The following NTM variants were observed in gnomAD, a reference collection of about 807,000 sequenced individuals.
NTM encodes IgLON family member 2.
Under a neutral mutation model 42.1 loss-of-function variants are expected in NTM, and 13 were observed. The ratio of observed to expected loss-of-function variants is 0.31; its 90% CI spans 0.20 to 0.49. NTM has a LOEUF of 0.49. NTM is among the 20% of genes least tolerant of loss of function. The probability of loss-of-function intolerance (pLI) is 0.99; values close to 1 mark genes in which losing one functional copy is unlikely to be tolerated. For synonymous variants in NTM, 187 were observed against 179.2 expected (o/e 1.04, Z -0.35); for missense variants, 373 against 452.8 (o/e 0.82, Z 1.60).
At chr11:132,199,248 T>C (rs2138423333) in intron 3 of NTM, among the ~76,000 whole-genome samples, 1 of 152,342 alleles carries the variant, frequency 6.6e-6, no homozygotes, top group South Asian at 2.1e-4. Flanking sequence ...GTTTGGTGAC[T>C]GCAAAGCATG....
rs560238986 is a variant in NTM at position 131,653,447 on chromosome 11, T to A, written c.83-258117T>A. Among the ~76,000 whole-genome samples, 3 of 152,328 alleles carry A rather than the reference T, an allele frequency of 2.0e-5. No individual in the cohort carries two copies. The South Asian group carries it at 6.2e-4, about 32-fold the overall frequency. On this transcript the variant is annotated intron_variant, in intron 1 of 8. Transcript: ENST00000683400. ...GAAATCTCTGATGAATTTCAAAACCTGCCTTTGCTTTGGATGTGATCAACA... is the reference window on the plus strand; with the variant it reads ...GAAATCTCTGATGAATTTCAAAACCAGCCTTTGCTTTGGATGTGATCAACA...
At chr11:131,599,224 A>G (rs774216822) in intron 1 of NTM, among the ~76,000 whole-genome samples, 1 of 151,966 alleles carries the variant, frequency 6.6e-6, no homozygotes, top group Non-Finnish European at 1.5e-5. Flanking sequence ...CTGTTTTCTC[A>G]TTTTGATGCA....
intron 1 of NTM, among the ~76,000 whole-genome samples, chr11:131,735,027 A>C (rs1395938676): frequency 1.3e-5 from 2 of 152,230 alleles, no homozygotes; most frequent in African/African-American, 4.8e-5. Context: ...TGAGAACTTG[A>C]AAATTCTTTC....
intron 1 of NTM, among the ~76,000 whole-genome samples, chr11:131,531,022 C>A (rs138193178): frequency 2.6e-5 from 4 of 152,206 alleles, no homozygotes; most frequent in African/African-American, 7.2e-5. Context: ...CCACGAGCAA[C>A]GGCTTCTCTG....
chr11:132,083,272 G>T (rs1234341861), intron 2 of NTM, among the ~76,000 whole-genome samples: 2 of 152,338 alleles, frequency 1.3e-5, no homozygotes, highest in Admixed American at 1.3e-4. Context: ...CTTTGAAACA[G>T]AATTTCTCTC....
At chr11:131,647,651 A>T (rs1362649915) in intron 1 of NTM, among the ~76,000 whole-genome samples, 1 of 152,248 alleles carries the variant, frequency 6.6e-6, no homozygotes, top group Non-Finnish European at 1.5e-5. Context: ...AAGCCTTAGC[A>T]GAGTTAAACA....
At chr11:132,060,591 C>T (rs764051813) in intron 2 of NTM, among the ~76,000 whole-genome samples, 1 of 152,156 alleles carries the variant, frequency 6.6e-6, no homozygotes, top group Non-Finnish European at 1.5e-5. Context: ...AAAAAACTTT[C>T]GACTCTGTCA....
At chr11:132,022,577 A>G (rs1210481939) in intron 2 of NTM, among the ~76,000 whole-genome samples, 1 of 151,178 alleles carries the variant, frequency 6.6e-6, no homozygotes, top group Non-Finnish European at 1.5e-5. Flanking sequence ...AGGTCCCTAG[A>G]TCCTACCTCT....
intron 2 of NTM, among the ~76,000 whole-genome samples, chr11:131,917,958 T>C (rs2056655186): frequency 5.3e-5 from 8 of 152,228 alleles, no homozygotes. Context: ...CACTGAAAGC[T>C]AGAGGAGGCT....
chr11:132,307,958 G>T, intron 5 of NTM, 135 bp downstream of exon 5: 1 of 739,946 alleles, frequency 1.4e-6, no homozygotes, highest in South Asian at 2.3e-5. Flanking sequence ...TCCACACTCT[G>T]CTTTCAGGAG....
At chr11:131,372,744 C>T (rs1283920071) in intron 1 of NTM, among the ~76,000 whole-genome samples, 1 of 152,124 alleles carries the variant, frequency 6.6e-6, no homozygotes, top group Non-Finnish European at 1.5e-5. Flanking sequence ...TGGCTGCATG[C>T]CAGGAGCCCC....
chr11:131,962,474 G>A (rs2062316686), intron 2 of NTM, among the ~76,000 whole-genome samples: 1 of 152,168 alleles, frequency 6.6e-6, no homozygotes, highest in South Asian at 2.1e-4. Context: ...AGAGACACAA[G>A]AGAGCTCCCT....
At chr11:131,602,628 C>G (rs2060587728) in intron 1 of NTM, among the ~76,000 whole-genome samples, 1 of 152,182 alleles carries the variant, frequency 6.6e-6, no homozygotes, top group Non-Finnish European at 1.5e-5. Context: ...GTTAATGACT[C>G]TCAAATTTAT....
Position 132,146,250 on chromosome 11 carries a change from C to T in NTM, c.168-32C>T. On this transcript the variant is annotated intron_variant, in intron 2 of 8. Coordinates refer to ENST00000683400, the MANE Select transcript of NTM (RefSeq NM_001352005.2). The surrounding 1 kb of genome is among the most constrained non-coding windows in gnomAD (Gnocchi z 4.5). ...CTGATGGCTGCTGTCGTCTCTCAGT[C>T]CCTTGACGTACCTGTCTGGTCTTCC... is the stretch of plus-strand genomic sequence containing the variant. The T allele has an allele frequency of 6.2e-7, 1 of 1,612,300 alleles. No individual in the cohort carries two copies. Among genetic ancestry groups the T allele is most frequent in the African/African-American group, 1.3e-5 (1 of 75,022 alleles).
chr11:131,474,502 C>T (rs1952734566), intron 1 of NTM, among the ~76,000 whole-genome samples: 1 of 152,122 alleles, frequency 6.6e-6, no homozygotes, highest in African/African-American at 2.4e-5. Flanking sequence ...AACAGAGTCA[C>T]CTGGATGGTT....
At chr11:131,432,916 G>A (rs771926882) in intron 1 of NTM, among the ~76,000 whole-genome samples, 4 of 136,046 alleles carry the variant, frequency 2.9e-5, no homozygotes, top group Non-Finnish European at 3.0e-5. Context: ...GTGCGGTGGC[G>A]CGATCACAGC....
intron 2 of NTM, among the ~76,000 whole-genome samples, chr11:131,997,338 A>T (rs536341185): frequency 1.3e-5 from 2 of 152,210 alleles, no homozygotes; most frequent in South Asian, 4.1e-4. Context: ...TCTGTCTATG[A>T]CTTCTGCAGG....
chr11:132,310,090 A>G (rs1165744322), intron 5 of NTM, 22 bp from the exon 6 acceptor site: 1 of 1,558,406 alleles, frequency 6.4e-7, no homozygotes, highest in Non-Finnish European at 8.6e-7. Context: ...GGGGGCGGCT[A>G]TGAGACATCT....
chr11:131,627,992 C>T (rs1341492569), intron 1 of NTM, among the ~76,000 whole-genome samples: 2 of 152,190 alleles, frequency 1.3e-5, no homozygotes, highest in African/African-American at 4.8e-5. Flanking sequence ...TCACTCCCAT[C>T]TCTGACAGTG....
Sources: allele counts gnomAD v4.1 joint callset (sites outside exome capture counted in the v4.1 genomes callset), GRCh38; gene constraint gnomAD v4.1.1; non-coding constraint Gnocchi (gnomAD v3.1); transcripts MANE v1.5; gene names NCBI Gene and HGNC (gene_info 2026-07-23, HGNC 2026-07-21).